Variants in EPB41L3 observed in about 807,000 individuals in gnomAD.
The protein encoded by EPB41L3 is erythrocyte membrane protein band 4.1 like 3.
A neutral mutation model predicts 127.1 loss-of-function variants in EPB41L3; 57 were observed. That is an observed-to-expected ratio of 0.45 (90% confidence interval 0.36 to 0.56). EPB41L3 has a LOEUF of 0.56. Ranked by LOEUF, EPB41L3 falls within the 20% of genes least tolerant of loss-of-function variation. The probability of loss-of-function intolerance (pLI) is 0.00; values close to 1 mark genes in which losing one functional copy is unlikely to be tolerated. For missense variants in EPB41L3, 1,273 were observed against 1,372.2 expected (o/e 0.93, Z 1.14); for synonymous variants, 572 against 549.5 (o/e 1.04, Z -0.57).
rs563662904 is a variant in EPB41L3, at chr18:5,499,829, G to GTGTGTATATATATATA, written c.-11-10636_-11-10635insTATATATATATACACA. 1.1e-3 allele frequency among the ~76,000 whole-genome samples: 133 copies of GTGTGTATATATATATA among 124,644 alleles called. 5 individuals are homozygous for GTGTGTATATATATATA. Among genetic ancestry groups the GTGTGTATATATATATA allele is most frequent in the African/African-American group, 3.0e-3 (98 of 32,198 alleles). 81.8% of individuals were successfully genotyped at this position (124,644 alleles called of 152,430 possible). A position where few individuals can be genotyped will look rare whatever the true frequency, so the allele number is the denominator to read the frequency against. On this transcript the variant is annotated intron_variant, in intron 1 of 22. Transcript: ENST00000341928. ...CCTACTACATACTTACTATGTGTGT[G>GTGTGTATATATATATA]TATATATATATATATATATGGCATT...
chr18:5,591,745 A>G (rs1447482701), intron 3 of EPB41L3, among the ~76,000 whole-genome samples: 1 of 152,250 alleles, frequency 6.6e-6, no homozygotes, highest in Non-Finnish European at 1.5e-5. Flanking sequence ...CCGACCCCTC[A>G]GTAAAGGATA....
chr18:5,559,043 A>G (rs1326069686), intron 3 of EPB41L3, among the ~76,000 whole-genome samples: 3 of 152,294 alleles, frequency 2.0e-5, no homozygotes, highest in Admixed American at 1.3e-4. Flanking sequence ...CCATTTCTGT[A>G]TAAGATCTCA....
intron 9 of EPB41L3, among the ~76,000 whole-genome samples, chr18:5,426,559 C>T (rs183781679): frequency 2.0e-5 from 3 of 152,294 alleles, no homozygotes; most frequent in Admixed American, 2.0e-4. Context: ...AAAATATTCA[C>T]CTAGTTGTGT....
chr18:5,626,886 T>C (rs952222526), intron 1 of EPB41L3, among the ~76,000 whole-genome samples: 1 of 152,074 alleles, frequency 6.6e-6, no homozygotes, highest in Non-Finnish European at 1.5e-5. Flanking sequence ...TAATTTGGGA[T>C]TGGAGGTAGC....
At chr18:5,537,520 T>C (rs1200081367) in intron 1 of EPB41L3, among the ~76,000 whole-genome samples, 2 of 152,138 alleles carry the variant, frequency 1.3e-5, no homozygotes, top group African/African-American at 2.4e-5. Context: ...TTCCAACTCA[T>C]CCTACACTTA....
chr18:5,422,406 G>A (rs1165222522), intron 11 of EPB41L3, among the ~76,000 whole-genome samples: 1 of 152,198 alleles, frequency 6.6e-6, no homozygotes, highest in Non-Finnish European at 1.5e-5. Flanking sequence ...GAGACTCTCA[G>A]GGGAACAGTG....
At chr18:5,471,401 G>A (rs891839150) in intron 3 of EPB41L3, among the ~76,000 whole-genome samples, 7 of 152,096 alleles carry the variant, frequency 4.6e-5, no homozygotes, top group African/African-American at 9.7e-5. Context: ...GAAAACTCTC[G>A]GGAATCATGC....
chr18:5,432,523 C>T (rs1374253061), intron 8 of EPB41L3, among the ~76,000 whole-genome samples: 1 of 152,184 alleles, frequency 6.6e-6, no homozygotes, highest in East Asian at 1.9e-4. Context: ...GAATCCAAAC[C>T]TAGGATCCTA....
intron 3 of EPB41L3, among the ~76,000 whole-genome samples, chr18:5,590,359 T>C (rs1303931157): frequency 6.6e-6 from 1 of 152,162 alleles, no homozygotes; most frequent in Non-Finnish European, 1.5e-5. Flanking sequence ...GGCCACTGTA[T>C]GTGTATTAGA....
chr18:5,460,320 A>C (rs10775435), intron 3 of EPB41L3, among the ~76,000 whole-genome samples: 68,555 of 151,914 alleles, frequency 0.45, 15,939 homozygotes, highest in East Asian at 0.71. Context: ...CACTGCAGGC[A>C]CATCCCATCT....
intron 2 of EPB41L3, among the ~76,000 whole-genome samples, chr18:5,483,914 A>G (rs761326452): frequency 2.0e-5 from 3 of 151,550 alleles, no homozygotes; most frequent in Non-Finnish European, 4.4e-5. Flanking sequence ...GAACATCCAG[A>G]CAGAAAATCA....
At chr18:5,423,019 C>A (rs923739021) in intron 11 of EPB41L3, among the ~76,000 whole-genome samples, 2 of 152,114 alleles carry the variant, frequency 1.3e-5, no homozygotes, top group African/African-American at 4.8e-5. Flanking sequence ...TGGTCTTAAA[C>A]CTACCAATCC....
intron 3 of EPB41L3, among the ~76,000 whole-genome samples, chr18:5,578,034 C>T (rs2094353536): frequency 6.6e-6 from 1 of 151,908 alleles, no homozygotes; most frequent in Non-Finnish European, 1.5e-5. Flanking sequence ...CACCGATAAG[C>T]AGCAATCTGT....
chr18:5,508,716 G>A (rs1286594693), intron 1 of EPB41L3, among the ~76,000 whole-genome samples: 5 of 140,188 alleles, frequency 3.6e-5, no homozygotes, highest in East Asian at 2.2e-4. Context: ...GCAGTGAGCC[G>A]AGATAGCACC....
intron 1 of EPB41L3, among the ~76,000 whole-genome samples, chr18:5,513,037 G>A (rs2092604712): frequency 6.6e-6 from 1 of 152,148 alleles, no homozygotes; most frequent in African/African-American, 2.4e-5. Flanking sequence ...TCTGGTGGAT[G>A]GTATGTTCGA....
intron 13 of EPB41L3, among the ~76,000 whole-genome samples, chr18:5,413,499 T>C (rs1339148828): frequency 6.6e-6 from 1 of 152,210 alleles, no homozygotes; most frequent in Non-Finnish European, 1.5e-5. Flanking sequence ...AATTAATTAG[T>C]AGTGACTTGG....
intron 3 of EPB41L3, among the ~76,000 whole-genome samples, chr18:5,456,088 G>A (rs138359782): frequency 5.5e-4 from 83 of 152,102 alleles, no homozygotes; most frequent in Non-Finnish European, 1.8e-4. Context: ...TAATTCATTT[G>A]GTCAAATGAA....
intron 11 of EPB41L3, chr18:5,420,145 T>C: frequency 1.7e-6 from 1 of 572,588 alleles, no homozygotes; most frequent in Non-Finnish European, 3.0e-6. Flanking sequence ...GAAATGCTCA[T>C]GTCTTGGAAT....
Position 5,410,612 on chromosome 18 carries a change from C to T in EPB41L3, c.2075G>A (p.Ser692Asn). Reference protein sequence around the residue: ...PSDSSEEETDSERTDTAADGE... With the variant: ...PSDSSEEETDNERTDTAADGE... ...GTCGGCTGCGGTGTCCGTGCGCTCACTGTCAGTCTGTTGACCACAGAAGTG... is the reference window on the plus strand; with the variant it reads ...GTCGGCTGCGGTGTCCGTGCGCTCATTGTCAGTCTGTTGACCACAGAAGTG... Residue 692 changes from serine (S) to asparagine (N), a missense_variant, in exon 14 of 23, where the codon AGT (serine) becomes AAT (asparagine). Physicochemically the swap from Ser to Asn is conservative, Grantham distance 46 (BLOSUM62 1). This residue lies in a region of EPB41L3 where 765 missense variants were observed against 782.9 expected (regional missense o/e 0.98). Transcript: ENST00000341928. The T allele has an allele frequency of 1.2e-6, 2 of 1,613,444 alleles. No homozygotes were observed. The highest frequency in any genetic ancestry group is 1.7e-6 in the Non-Finnish European group (2 of 1,179,600).
Sources: allele counts gnomAD v4.1 joint callset (sites outside exome capture counted in the v4.1 genomes callset), GRCh38; gene constraint gnomAD v4.1.1; regional missense constraint gnomAD v4.1.1; transcripts MANE v1.5; gene names NCBI Gene and HGNC (gene_info 2026-07-23, HGNC 2026-07-21).